Variants in ERBB4 observed in about 807,000 individuals in gnomAD.
The protein encoded by ERBB4 is erb-b2 receptor tyrosine kinase 4.
ERBB4 carries 42 observed loss-of-function variants against 158.0 expected under a neutral mutation model. The observed-to-expected ratio is 0.27, with a 90% confidence interval of 0.21 to 0.34. The LOEUF (loss-of-function observed/expected upper bound fraction) is 0.34, where lower values mean the gene tolerates loss of function less well. Among genes scored for constraint, ERBB4 ranks in the 10% least tolerant of loss-of-function variants. The pLI is 1.00. For synonymous variants in ERBB4, 583 were observed against 558.7 expected, an observed-to-expected ratio of 1.04 and a Z score of -0.61; for missense variants, 1,333 against 1,624.1, an observed-to-expected ratio of 0.82 and a Z score of 3.08.
chr2:211,798,685 A>T (rs1015186894), intron 3 of ERBB4, among the ~76,000 whole-genome samples: 1 of 152,152 alleles, frequency 6.6e-6, no homozygotes, highest in African/African-American at 2.4e-5. Context: ...GGGAGAAATG[A>T]TGACCAAATG....
intron 20 of ERBB4, among the ~76,000 whole-genome samples, chr2:211,492,239 G>A (rs2065361052): frequency 6.6e-6 from 1 of 152,098 alleles, no homozygotes; most frequent in African/African-American, 2.4e-5. Context: ...AAGGTAAGAA[G>A]AAGTCTTCAC....
intron 2 of ERBB4, among the ~76,000 whole-genome samples, chr2:211,980,040 G>A (rs966549459): frequency 6.6e-6 from 1 of 151,992 alleles, no homozygotes; most frequent in Non-Finnish European, 1.5e-5. Context: ...ACATTTAATC[G>A]CAACCTTATT....
intron 5 of ERBB4, among the ~76,000 whole-genome samples, chr2:211,733,359 G>C (rs11689581): frequency 0.19 from 28,784 of 152,024 alleles, 2,840 homozygotes; most frequent in African/African-American, 0.21. Context: ...ATATTCTTGA[G>C]AGTGAGTAAG....
chr2:212,150,150 C>A (rs966469736), intron 1 of ERBB4, among the ~76,000 whole-genome samples: 3 of 152,146 alleles, frequency 2.0e-5, no homozygotes, highest in Admixed American at 6.6e-5. Context: ...TCTCACAGTT[C>A]TGGGGGCAAG....
At chr2:211,714,969 A>G (rs962388838) in intron 7 of ERBB4, among the ~76,000 whole-genome samples, 1 of 152,180 alleles carries the variant, frequency 6.6e-6, no homozygotes, top group African/African-American at 2.4e-5. Flanking sequence ...AAAAGCTAAC[A>G]GAGTAAGACA....
chr2:212,432,478 G>T (rs1365309062), intron 1 of ERBB4, among the ~76,000 whole-genome samples: 1 of 151,968 alleles, frequency 6.6e-6, no homozygotes, highest in Non-Finnish European at 1.5e-5. Context: ...ACTTTAATGG[G>T]TGCTCTCTCT....
chr2:212,084,938 A>G (rs1053415112), intron 2 of ERBB4, among the ~76,000 whole-genome samples: 1 of 151,996 alleles, frequency 6.6e-6, no homozygotes, highest in East Asian at 1.9e-4. Flanking sequence ...TTGACCAATT[A>G]CATGACTTAA....
chr2:212,007,937 T>A (rs1022401311), intron 2 of ERBB4, among the ~76,000 whole-genome samples: 5 of 152,022 alleles, frequency 3.3e-5, no homozygotes, highest in African/African-American at 1.2e-4. Flanking sequence ...CATATGGTCA[T>A]AACCAGCACT....
intron 1 of ERBB4, among the ~76,000 whole-genome samples, chr2:212,361,508 T>C (rs1437509602): frequency 6.6e-6 from 1 of 151,720 alleles, no homozygotes; most frequent in Non-Finnish European, 1.5e-5. Context: ...TCTGTAAAAG[T>C]AATGTTATGG....
At position 211,508,639 on chromosome 2, in the gene ERBB4, G is replaced by T. The variant is rs930901954; in HGVS notation, c.2487+53264C>A. On this transcript the variant is annotated intron_variant, in intron 20 of 27. Transcript: ENST00000342788. ...TCCCATTACTGGGTATATACCCAAA[G>T]GATGATAAATCATTCTACTATAAAG... 3.9e-5 allele frequency among the ~76,000 whole-genome samples: 6 copies of T among 152,244 alleles called. No homozygotes were observed. The East Asian group carries it at 1.2e-3, about 29-fold the overall frequency.
At chr2:212,274,753 C>T (rs1334614335) in intron 1 of ERBB4, among the ~76,000 whole-genome samples, 4 of 151,600 alleles carry the variant, frequency 2.6e-5, no homozygotes, top group Non-Finnish European at 5.9e-5. Flanking sequence ...TTTTATGTAT[C>T]TATGACATAC....
intron 3 of ERBB4, among the ~76,000 whole-genome samples, chr2:211,931,191 A>C (rs1466932517): frequency 6.6e-6 from 1 of 152,120 alleles, no homozygotes; most frequent in East Asian, 1.9e-4. Context: ...AAAGTCATCA[A>C]AAGTTTTTCC....
At chr2:211,626,782 G>A (rs1000343548) in intron 17 of ERBB4, among the ~76,000 whole-genome samples, 1 of 151,746 alleles carries the variant, frequency 6.6e-6, no homozygotes. Context: ...AAAATGAGCC[G>A]GACGTGTTGG....
intron 4 of ERBB4, among the ~76,000 whole-genome samples, chr2:211,769,752 G>A (rs1290373516): frequency 6.6e-6 from 1 of 152,190 alleles, no homozygotes; most frequent in Non-Finnish European, 1.5e-5. Context: ...TCTGATGTCT[G>A]AGGGCAGGAA....
intron 27 of ERBB4, among the ~76,000 whole-genome samples, chr2:211,386,652 G>T (rs1162946756): frequency 6.6e-6 from 1 of 152,154 alleles, no homozygotes; most frequent in Non-Finnish European, 1.5e-5. Context: ...GCCTGCCTGA[G>T]ATTCTGATTT....
intron 20 of ERBB4, among the ~76,000 whole-genome samples, chr2:211,512,447 C>CA (rs35256083): frequency 2.0e-3 from 289 of 147,086 alleles, no homozygotes; most frequent in East Asian, 7.8e-3. Flanking sequence ...ACCAAAATCT[C>CA]AAAAAAAAAA....
At chr2:212,042,962 G>T (rs2077174981) in intron 2 of ERBB4, among the ~76,000 whole-genome samples, 1 of 152,138 alleles carries the variant, frequency 6.6e-6, no homozygotes, top group South Asian at 2.1e-4. Flanking sequence ...CCAATAAAAT[G>T]ACTTTTGTTG....
intron 1 of ERBB4, among the ~76,000 whole-genome samples, chr2:212,478,158 A>C (rs1689502204): frequency 6.6e-6 from 1 of 152,290 alleles, no homozygotes; most frequent in South Asian, 2.1e-4. Flanking sequence ...TCCAAACACA[A>C]GTAAATGTGC....
intron 3 of ERBB4, among the ~76,000 whole-genome samples, chr2:211,845,827 C>T (rs2077574841): frequency 6.6e-6 from 1 of 152,140 alleles, no homozygotes; most frequent in Non-Finnish European, 1.5e-5. Context: ...AGCCTCTCCT[C>T]CTACAAGGTA....
Sources: gnomAD v4.1 joint callset for allele counts (sites outside exome capture counted in the v4.1 genomes callset) on GRCh38, gnomAD v4.1.1 for gene constraint, MANE v1.5 for transcripts, NCBI Gene and HGNC (gene_info 2026-07-23, HGNC 2026-07-21) for gene names.